The following OCA2 variants were observed in gnomAD, a reference collection of about 807,000 sequenced individuals.
OCA2 encodes the protein P protein.
A neutral mutation model predicts 100.2 loss-of-function variants in OCA2; 77 were observed. The observed-to-expected ratio is 0.77, with a 90% confidence interval of 0.64 to 0.93. The LOEUF (loss-of-function observed/expected upper bound fraction) is 0.93. Among genes scored for constraint, OCA2 ranks in the 40% least tolerant of loss-of-function variants. The pLI, the probability that OCA2 is intolerant of heterozygous loss-of-function variation, is 0.00. For missense variants in OCA2, 1,062 were observed against 1,089.1 expected, an observed-to-expected ratio of 0.98 and a Z score of 0.35; for synonymous variants, 432 against 439.2, an observed-to-expected ratio of 0.98 and a Z score of 0.21.
chr15:27,916,581 C>T (rs2038672461), intron 19 of OCA2, among the ~76,000 whole-genome samples: 1 of 152,074 alleles, frequency 6.6e-6, no homozygotes, highest in Non-Finnish European at 1.5e-5. Context: ...ACTTTGAAGC[C>T]CTTCTAAATC....
chr15:27,870,863 C>T (rs1215839606), intron 21 of OCA2, among the ~76,000 whole-genome samples: 2 of 151,720 alleles, frequency 1.3e-5, no homozygotes. Context: ...AGCAAGCAAG[C>T]ACAGCCTTTT....
chr15:27,736,185 T>C, the OCA2 span, among the ~76,000 whole-genome samples: 1 of 152,244 alleles, frequency 6.6e-6, no homozygotes, highest in African/African-American at 2.4e-5. Context: ...AATTATTATT[T>C]TGAAATTGTG....
At chr15:27,961,106 G>GA (rs1252270368) in intron 15 of OCA2, among the ~76,000 whole-genome samples, 3 of 151,784 alleles carry the variant, frequency 2.0e-5, no homozygotes, top group South Asian at 4.2e-4. Flanking sequence ...AAATTTACAA[G>GA]AAAAAAACAA....
chr15:28,064,896 T>C (rs1394504576), intron 2 of OCA2, among the ~76,000 whole-genome samples: 5 of 151,926 alleles, frequency 3.3e-5, no homozygotes, highest in Non-Finnish European at 5.9e-5. Context: ...CACTTTGTTG[T>C]TGGTGGCAGT....
chr15:27,865,797 A>T (rs2036297775), intron 21 of OCA2, among the ~76,000 whole-genome samples: 1 of 152,292 alleles, frequency 6.6e-6, no homozygotes, highest in Non-Finnish European at 1.5e-5. Context: ...CATCAGCAGC[A>T]GGTGCAGAGG....
At chr15:28,097,227 G>A (rs1412165266) in intron 1 of OCA2, among the ~76,000 whole-genome samples, 1 of 152,222 alleles carries the variant, frequency 6.6e-6, no homozygotes, top group Non-Finnish European at 1.5e-5. Flanking sequence ...CACGGACCCC[G>A]CCGCGCTCCG....
intron 23 of OCA2, among the ~76,000 whole-genome samples, chr15:27,799,134 C>T (rs1219846579): frequency 6.6e-6 from 1 of 152,178 alleles, no homozygotes; most frequent in Non-Finnish European, 1.5e-5. Flanking sequence ...AATCGTCAGG[C>T]AAACTCCAGA....
At position 27,990,641 on chromosome 15, in the gene OCA2, G is replaced by C; in HGVS notation, c.1051C>G (p.His351Asp). ...VYALIIFEIV[H>D]RTLAAMLGSL... ...CCCAGCATGGCCGCCAGAGTTCTGT[G>C]CACGATCTGGAAAGAAGCACAGGAA... The change falls in exon 10 of 24, where the codon CAC becomes GAC. Residue 351 changes from histidine to aspartate, a missense_variant. His to Asp is a moderately conservative substitution (Grantham distance 81). Coordinates refer to ENST00000354638, the MANE Select transcript of OCA2 (RefSeq NM_000275.3). The C allele has an allele frequency of 6.2e-7, 1 of 1,613,876 alleles. No individual in the cohort carries two copies. The highest frequency in any genetic ancestry group is 8.5e-7 in the Non-Finnish European group (1 of 1,179,934).
At chr15:27,901,267 T>C (rs2037918812) in intron 19 of OCA2, among the ~76,000 whole-genome samples, 1 of 152,246 alleles carries the variant, frequency 6.6e-6, no homozygotes. Flanking sequence ...CTATCCCTCA[T>C]TGCCCTTTAG....
chr15:27,823,034 G>C (rs190942066), intron 23 of OCA2, among the ~76,000 whole-genome samples: 1 of 152,204 alleles, frequency 6.6e-6, no homozygotes, highest in African/African-American at 2.4e-5. Context: ...CTGTGTGTAC[G>C]GAATGAGGTA....
chr15:27,929,524 A>G (rs112609000), intron 18 of OCA2, among the ~76,000 whole-genome samples: 2,362 of 152,306 alleles, frequency 0.016, 65 homozygotes, highest in African/African-American at 0.054. Flanking sequence ...GTAAAACACA[A>G]CTATAAAACT....
At chr15:27,991,415 T>A (rs531122353) in intron 9 of OCA2, among the ~76,000 whole-genome samples, 2 of 152,166 alleles carry the variant, frequency 1.3e-5, no homozygotes, top group African/African-American at 4.8e-5. Flanking sequence ...ATAAAGAAAA[T>A]GCGGCACAGC....
rs140472179 is a variant in OCA2 at position 27,938,227 on chromosome 15, C to T, written c.1952-11973G>A. Among the ~76,000 whole-genome samples the T allele has an allele frequency of 3.3e-5, 5 of 152,234 alleles. No homozygotes were observed. In the East Asian group the frequency reaches 7.7e-4, roughly 24 times the overall value. Reference sequence around the variant, plus strand: ...TAGGTCCTCTTAAACCAAATGGGCACGTTGGGGAGGGAAGTGCATGTAGCT... The same window carrying T: ...TAGGTCCTCTTAAACCAAATGGGCATGTTGGGGAGGGAAGTGCATGTAGCT... On this transcript the variant is annotated intron_variant, in intron 18 of 23. Coordinates refer to ENST00000354638, the MANE Select transcript of OCA2 (RefSeq NM_000275.3).
chr15:28,065,058 C>T (rs2043984441), intron 2 of OCA2, among the ~76,000 whole-genome samples: 1 of 151,940 alleles, frequency 6.6e-6, no homozygotes, highest in African/African-American at 2.4e-5. Context: ...TTCTTCAATA[C>T]CAGGAGATTT....
At chr15:27,754,546 GTCTTTGTTC>G (rs2030195734), downstream of OCA2, among the ~76,000 whole-genome samples, 1 of 152,288 alleles carries the variant, frequency 6.6e-6, no homozygotes, top group East Asian at 1.9e-4. Context: ...CTCCCCCTTG[GTCTTTGTTC>G]TCATTACCCT....
chr15:27,861,571 C>A (rs1444044630), intron 21 of OCA2, among the ~76,000 whole-genome samples: 3 of 151,822 alleles, frequency 2.0e-5, no homozygotes, highest in African/African-American at 7.3e-5. Context: ...AGGAGGAGTA[C>A]CTGAAGGGCC....
intron 19 of OCA2, among the ~76,000 whole-genome samples, chr15:27,918,794 T>C (rs2038760526): frequency 6.6e-6 from 1 of 152,198 alleles, no homozygotes; most frequent in East Asian, 1.9e-4. Context: ...TGTCCCATTT[T>C]AGTGCTCACA....
At chr15:27,911,719 C>T (rs1174532487) in intron 19 of OCA2, among the ~76,000 whole-genome samples, 1 of 152,136 alleles carries the variant, frequency 6.6e-6, no homozygotes, top group Non-Finnish European at 1.5e-5. Context: ...CCCCCCATGA[C>T]CCAAACACCT....
At chr15:27,990,058 C>T (rs1595775408) in intron 10 of OCA2, among the ~76,000 whole-genome samples, 1 of 152,096 alleles carries the variant, frequency 6.6e-6, no homozygotes, top group East Asian at 1.9e-4. Context: ...TCTCAGACAA[C>T]TCTGGGCCTC....
Sources: allele counts gnomAD v4.1 joint callset (sites outside exome capture counted in the v4.1 genomes callset), GRCh38; gene constraint gnomAD v4.1.1; transcripts MANE v1.5; gene names NCBI Gene and HGNC (gene_info 2026-07-23, HGNC 2026-07-21).